The following ASAP2 variants were observed in gnomAD, a reference collection of about 807,000 sequenced individuals.
The protein encoded by ASAP2 is ArfGAP with SH3 domain, ankyrin repeat and PH domain 2.
ASAP2 carries 45 observed loss-of-function variants against 131.4 expected under a neutral mutation model. That is an observed-to-expected ratio of 0.34 (90% CI 0.27 to 0.44). The LOEUF (loss-of-function observed/expected upper bound fraction) is 0.44. Among genes scored for constraint, ASAP2 ranks in the 20% least tolerant of loss-of-function variants. The pLI is 1.00. For synonymous variants in ASAP2, 510 were observed against 503.0 expected, an observed-to-expected ratio of 1.01 and a Z score of -0.19; for missense variants, 1,011 against 1,297.0, an observed-to-expected ratio of 0.78 and a Z score of 3.39.
At chr2:9,399,757 C>A in intron 24 of ASAP2, 1 of 527,772 alleles carries the variant, frequency 1.9e-6, no homozygotes, top group Non-Finnish European at 3.4e-6. Context: ...AGCATCACTC[C>A]AGACCCTGGC....
chr2:9,355,735 C>A (rs1672657352), intron 12 of ASAP2, among the ~76,000 whole-genome samples: 1 of 152,072 alleles, frequency 6.6e-6, no homozygotes, highest in Non-Finnish European at 1.5e-5. Flanking sequence ...TTTTGGGGGC[C>A]AACTCTGTAG....
chr2:9,276,538 T>TC (rs1666771423), intron 1 of ASAP2, among the ~76,000 whole-genome samples: 1 of 152,008 alleles, frequency 6.6e-6, no homozygotes, highest in Non-Finnish European at 1.5e-5. Flanking sequence ...ATCTTTTTTT[T>TC]CTCTTTTTTT....
Position 9,217,929 on chromosome 2 carries a change from A to G in ASAP2, c.126+10699A>G, listed in dbSNP as rs1382237169. Among the ~76,000 whole-genome samples, 1 of 148,160 alleles carries G rather than the reference A, an allele frequency of 6.7e-6. No individual in the cohort carries two copies. On this transcript the variant is annotated intron_variant, in intron 1 of 27. Coordinates refer to ENST00000281419, the MANE Select transcript of ASAP2 (RefSeq NM_003887.3). The surrounding 1 kb of genome is among the most constrained non-coding windows in gnomAD (Gnocchi z 4.0). ...ACGCCTGGCTTTTTTTTTTTTTTACATGAAAAAATAATGATGACAATGCTT... is the reference window on the plus strand; with the variant it reads ...ACGCCTGGCTTTTTTTTTTTTTTACGTGAAAAAATAATGATGACAATGCTT...
At chr2:9,226,149 A>G (rs1662750476) in intron 1 of ASAP2, among the ~76,000 whole-genome samples, 2 of 152,356 alleles carry the variant, frequency 1.3e-5, no homozygotes, top group South Asian at 2.1e-4. Flanking sequence ...TTGAAGTCCC[A>G]CAGCTGGCTG....
intron 1 of ASAP2, among the ~76,000 whole-genome samples, chr2:9,241,096 TAGTGGAA>T (rs1663931222): frequency 1.3e-5 from 2 of 152,248 alleles, no homozygotes; most frequent in African/African-American, 4.8e-5. Context: ...GGACTGTGGT[TAGTGGAA>T]ACTGTGGAAA....
intron 9 of ASAP2, among the ~76,000 whole-genome samples, chr2:9,338,591 C>T (rs143510008): frequency 6.6e-6 from 1 of 152,198 alleles, no homozygotes; most frequent in Non-Finnish European, 1.5e-5. Flanking sequence ...CTCCATGTCA[C>T]CCTCAGTGGA....
At chr2:9,368,624 T>C in intron 16 of ASAP2, 105 bp downstream of exon 16, 1 of 881,678 alleles carries the variant, frequency 1.1e-6, no homozygotes. Context: ...CATCGTTGCT[T>C]CTTTAGGGAA....
At chr2:9,260,620 AG>A (rs1665513455) in intron 1 of ASAP2, among the ~76,000 whole-genome samples, 3 of 152,076 alleles carry the variant, frequency 2.0e-5, no homozygotes, top group Non-Finnish European at 4.4e-5. Context: ...GGCTTTGTGC[AG>A]GGCCCCAGCA....
rs796556703 is a variant in ASAP2 at position 9,272,372 on chromosome 2, A to G, written c.127-6945A>G. ...GTATGTCTTCTTTGGAGATATGTCTATTTATATCTTTTGCCCTTTTTAAAA... is the reference window on the plus strand; with the variant it reads ...GTATGTCTTCTTTGGAGATATGTCTGTTTATATCTTTTGCCCTTTTTAAAA... On this transcript the variant is annotated intron_variant, in intron 1 of 27. Coordinates refer to ENST00000281419, the MANE Select transcript of ASAP2 (RefSeq NM_003887.3). 2.4e-4 allele frequency among the ~76,000 whole-genome samples: 37 copies of G among 152,246 alleles called. 1 individual carries two copies. The highest frequency in any genetic ancestry group is 7.0e-4 in the African/African-American group (29 of 41,548).
chr2:9,284,837 G>A (rs138316502), intron 2 of ASAP2, among the ~76,000 whole-genome samples: 38 of 152,326 alleles, frequency 2.5e-4, no homozygotes, highest in African/African-American at 7.9e-4. Flanking sequence ...TGTAAGTGGT[G>A]TGTGTTACGA....
At chr2:9,317,291 TCACA>T (rs1473606646) in intron 3 of ASAP2, among the ~76,000 whole-genome samples, 1 of 143,320 alleles carries the variant, frequency 7.0e-6, no homozygotes, top group Non-Finnish European at 1.5e-5. Flanking sequence ...CCTCACACCC[TCACA>T]ATCACAGCCC....
At chr2:9,332,915 T>C in intron 7 of ASAP2, among the ~76,000 whole-genome samples, 1 of 152,210 alleles carries the variant, frequency 6.6e-6, no homozygotes, top group African/African-American at 2.4e-5. Flanking sequence ...TAAAGAATGA[T>C]GTGTCTGTCT....
intron 12 of ASAP2, among the ~76,000 whole-genome samples, chr2:9,353,239 CCAAGATGCTTTTGAACTCT>C (rs369508475): frequency 2.6e-5 from 4 of 152,094 alleles, no homozygotes; most frequent in African/African-American, 4.8e-5. Flanking sequence ...ATGAGTATCA[CCAAGATGCTTTTGAACTCT>C]CAAGATGCTT....
At chr2:9,233,126 T>A (rs183906708) in intron 1 of ASAP2, among the ~76,000 whole-genome samples, 108 of 152,254 alleles carry the variant, frequency 7.1e-4, no homozygotes, top group African/African-American at 2.5e-3. Flanking sequence ...TTTGAGACAG[T>A]TTGAGTCATC....
chr2:9,340,984 A>G (rs1018020306), intron 9 of ASAP2, among the ~76,000 whole-genome samples: 5 of 152,218 alleles, frequency 3.3e-5, no homozygotes, highest in Admixed American at 6.5e-5. Context: ...ATACTCAGGC[A>G]CACAAACAGT....
intron 2 of ASAP2, among the ~76,000 whole-genome samples, chr2:9,295,661 T>C (rs1267685928): frequency 2.0e-5 from 3 of 152,236 alleles, no homozygotes; most frequent in African/African-American, 7.2e-5. Context: ...GGTGTGTGTG[T>C]GTGCACATGT....
At chr2:9,265,142 AT>A in intron 1 of ASAP2, among the ~76,000 whole-genome samples, 1 of 152,370 alleles carries the variant, frequency 6.6e-6, no homozygotes, top group African/African-American at 2.4e-5. Context: ...TCTCAAAAAA[AT>A]AAATAAATAA....
At chr2:9,361,804 ATCC>A (rs1357482472) in intron 15 of ASAP2, among the ~76,000 whole-genome samples, 1 of 152,026 alleles carries the variant, frequency 6.6e-6, no homozygotes, top group Non-Finnish European at 1.5e-5. Context: ...GACCCAAGTG[ATCC>A]TCCTGCTTTG....
At chr2:9,379,776 C>T (rs1049618593) in intron 19 of ASAP2, among the ~76,000 whole-genome samples, 5 of 152,050 alleles carry the variant, frequency 3.3e-5, no homozygotes, top group African/African-American at 9.7e-5. Context: ...CAGTGGCTCA[C>T]GAGGTCAAGA....
Sources: gnomAD v4.1 joint callset for allele counts (sites outside exome capture counted in the v4.1 genomes callset) on GRCh38, gnomAD v4.1.1 for gene constraint, Gnocchi (gnomAD v3.1) non-coding constraint, MANE v1.5 for transcripts, NCBI Gene and HGNC (gene_info 2026-07-23, HGNC 2026-07-21) for gene names.